Variants in MIPOL1 observed in about 807,000 individuals in gnomAD.
MIPOL1 encodes the protein mirror-image polydactyly gene 1 protein.
In MIPOL1, 57 loss-of-function variants were observed where a neutral mutation model predicts 60.9. That is an observed-to-expected ratio of 0.94 (90% confidence interval 0.76 to 1.17). The LOEUF (loss-of-function observed/expected upper bound fraction) is 1.17. Ranked by LOEUF, MIPOL1 falls within the 50% of genes most tolerant of loss-of-function variation. The pLI, the probability that MIPOL1 is intolerant of heterozygous loss-of-function variation, is 0.00. For synonymous variants in MIPOL1, 179 were observed against 168.8 expected, an observed-to-expected ratio of 1.06 and a Z score of -0.47; for missense variants, 551 against 511.6, an observed-to-expected ratio of 1.08 and a Z score of -0.74.
Position 37,547,047 on chromosome 14 carries a change from C to A in MIPOL1, c.*76C>A. On this transcript the variant is annotated 3_prime_UTR_variant, in exon 13 of 13. Coordinates refer to ENST00000684589, the MANE Select transcript of MIPOL1 (RefSeq NM_001388067.1). ...GCTTCATTCAACACTGTGTAAACAC[C>A]AAAGCCTTAACTTAGCAAACAGTTG... is the stretch of plus-strand genomic sequence containing the variant. 3.2e-6 allele frequency: 4 copies of A among 1,263,882 alleles called. No homozygotes were observed. The highest frequency in any genetic ancestry group is 1.2e-5 in the South Asian group (1 of 80,260). 78.3% of individuals were successfully genotyped at this position (1,263,882 alleles called of 1,614,324 possible). A position where few individuals can be genotyped will look rare whatever the true frequency, so the allele number is the denominator to read the frequency against.
chr14:37,448,114 G>T lies in MIPOL1; in HGVS notation c.1031+25165G>T, dbSNP rs76106916. Among the ~76,000 whole-genome samples, 905 of 152,240 alleles carry T rather than the reference G, an allele frequency of 5.9e-3. 5 individuals are homozygous for T. The highest frequency in any genetic ancestry group is 0.019 in the African/African-American group (810 of 41,554). On this transcript the variant is annotated intron_variant, in intron 11 of 12. Transcript: ENST00000684589. The stretch of plus-strand genomic sequence containing the variant: ...TAAATAAAGTCTGATCAACCAAAAC[G>T]AAAATATTTCTCTCCAAAACTGTTT...
intron 11 of MIPOL1, among the ~76,000 whole-genome samples, chr14:37,451,939 C>T (rs949002590): frequency 6.7e-6 from 1 of 149,584 alleles, no homozygotes; most frequent in African/African-American, 2.5e-5. Context: ...CTCAGCCTCC[C>T]GAGTAGCTGG....
chr14:37,305,357 A>G (rs905049807), intron 7 of MIPOL1, among the ~76,000 whole-genome samples: 1 of 151,852 alleles, frequency 6.6e-6, no homozygotes, highest in Non-Finnish European at 1.5e-5. Flanking sequence ...AAGGATTTGC[A>G]AAGTAAGAAC....
At chr14:37,413,217 A>T (rs1375854856) in intron 10 of MIPOL1, among the ~76,000 whole-genome samples, 1 of 152,152 alleles carries the variant, frequency 6.6e-6, no homozygotes, top group Non-Finnish European at 1.5e-5. Context: ...TTTAAAAAGG[A>T]ATATAAATAT....
intron 9 of MIPOL1, among the ~76,000 whole-genome samples, chr14:37,359,956 T>G (rs540792396): frequency 3.3e-5 from 5 of 152,298 alleles, no homozygotes; most frequent in Non-Finnish European, 7.3e-5. Context: ...GGCTGTGGGT[T>G]TGTCATAAAT....
intron 1 of MIPOL1, among the ~76,000 whole-genome samples, chr14:37,233,122 T>G (rs772217248): frequency 4.6e-5 from 7 of 152,174 alleles, no homozygotes; most frequent in Non-Finnish European, 7.4e-5. Flanking sequence ...TGTATTTTAT[T>G]GTGATGAAAT....
At chr14:37,495,700 C>A (rs1279162901) in intron 11 of MIPOL1, among the ~76,000 whole-genome samples, 1 of 133,664 alleles carries the variant, frequency 7.5e-6, no homozygotes, top group Non-Finnish European at 1.6e-5. Context: ...CCTGAGGAAT[C>A]GCCACACTGT....
At chr14:37,217,827 A>G (rs1968008418) in intron 1 of MIPOL1, among the ~76,000 whole-genome samples, 1 of 152,202 alleles carries the variant, frequency 6.6e-6, no homozygotes, top group Non-Finnish European at 1.5e-5. Context: ...TGAAATCTGG[A>G]ACATGATAAG....
chr14:37,436,257 G>C (rs954359745), intron 11 of MIPOL1, among the ~76,000 whole-genome samples: 6 of 151,944 alleles, frequency 3.9e-5, no homozygotes, highest in African/African-American at 1.5e-4. Context: ...AGATGAAGAG[G>C]GTGCCTTTTT....
At chr14:37,346,795 A>T (rs1384079428) in intron 9 of MIPOL1, among the ~76,000 whole-genome samples, 2 of 152,196 alleles carry the variant, frequency 1.3e-5, no homozygotes, top group Non-Finnish European at 2.9e-5. Flanking sequence ...CAGACCATAG[A>T]AAGAATACCT....
chr14:37,446,227 G>A (rs530792221), intron 11 of MIPOL1, among the ~76,000 whole-genome samples: 27 of 152,136 alleles, frequency 1.8e-4, no homozygotes, highest in Admixed American at 3.9e-4. Context: ...AAATTTTCAA[G>A]AAAAAAGCAA....
chr14:37,317,664 C>T (rs2088069096), intron 9 of MIPOL1, among the ~76,000 whole-genome samples: 1 of 152,040 alleles, frequency 6.6e-6, no homozygotes, highest in Non-Finnish European at 1.5e-5. Flanking sequence ...ACTGGTAAGT[C>T]CATGTATTAG....
chr14:37,474,197 G>T (rs530193072), intron 11 of MIPOL1, among the ~76,000 whole-genome samples: 1 of 152,192 alleles, frequency 6.6e-6, no homozygotes, highest in South Asian at 2.1e-4. Context: ...TTCCAATCTA[G>T]GGAAATTATG....
At position 37,271,187 on chromosome 14, in the gene MIPOL1, G is replaced by GATCACA. The variant is rs2083277923; in HGVS notation, c.493+662_493+663insATCACA. On this transcript the variant is annotated intron_variant, in intron 6 of 12. Coordinates refer to ENST00000684589, the MANE Select transcript of MIPOL1 (RefSeq NM_001388067.1). Reference sequence around the variant, plus strand: ...AGATACAATGAAATGATTCACAATAGTCTATGATCTCCATCTGTGTATGCC... The same window carrying GATCACA: ...AGATACAATGAAATGATTCACAATAGATCACATCTATGATCTCCATCTGTGTATGCC... Among the ~76,000 whole-genome samples, 6 of 152,072 alleles carry GATCACA rather than the reference G, an allele frequency of 3.9e-5. No homozygotes were observed. In the East Asian group the frequency reaches 1.2e-3, roughly 29 times the overall value.
chr14:37,436,476 G>A (rs1396964347), intron 11 of MIPOL1, among the ~76,000 whole-genome samples: 1 of 152,028 alleles, frequency 6.6e-6, no homozygotes, highest in Non-Finnish European at 1.5e-5. Flanking sequence ...AAAATATTTG[G>A]CAAATGAAAA....
intron 12 of MIPOL1, among the ~76,000 whole-genome samples, chr14:37,519,941 A>G (rs1256472244): frequency 6.6e-6 from 1 of 152,122 alleles, no homozygotes; most frequent in Non-Finnish European, 1.5e-5. Context: ...TGGAACCTTC[A>G]CCACTTTTAT....
chr14:37,515,855 A>C (rs541097162), intron 12 of MIPOL1, among the ~76,000 whole-genome samples: 1 of 152,304 alleles, frequency 6.6e-6, no homozygotes, highest in South Asian at 2.1e-4. Flanking sequence ...GGTTTTAGGA[A>C]GACTTTCTGA....
chr14:37,328,501 T>C (rs1411402573), intron 9 of MIPOL1, among the ~76,000 whole-genome samples: 1 of 152,132 alleles, frequency 6.6e-6, no homozygotes, highest in African/African-American at 2.4e-5. Context: ...ATAATAAAAA[T>C]GAATTGCCAA....
At chr14:37,348,983 C>CTT (rs11347957) in intron 9 of MIPOL1, among the ~76,000 whole-genome samples, 2,584 of 74,094 alleles carry the variant, frequency 0.035, 141 homozygotes, top group East Asian at 0.1. Context: ...CCAGCTAATT[C>CTT]TTTTTTTTTT....
Sources: gnomAD v4.1 joint callset for allele counts (sites outside exome capture counted in the v4.1 genomes callset) on GRCh38, gnomAD v4.1.1 for gene constraint, MANE v1.5 for transcripts, NCBI Gene and HGNC (gene_info 2026-07-23, HGNC 2026-07-21) for gene names.